The following EYS variants were observed in gnomAD, a reference collection of about 807,000 sequenced individuals.
EYS encodes the protein protein eyes shut homolog.
Under a neutral mutation model 282.1 loss-of-function variants are expected in EYS, and 250 were observed. The ratio of observed to expected loss-of-function variants is 0.89; its 90% CI spans 0.80 to 0.98. The LOEUF (loss-of-function observed/expected upper bound fraction) is 0.98, where lower values mean the gene tolerates loss of function less well. EYS is among the 50% of genes least tolerant of loss of function. The pLI, the probability that EYS is intolerant of heterozygous loss-of-function variation, is 0.00. For missense variants in EYS, 4,016 were observed against 3,709.0 expected, an observed-to-expected ratio of 1.08 and a Z score of -2.15; for synonymous variants, 1,355 against 1,282.9, an observed-to-expected ratio of 1.06 and a Z score of -1.20.
At chr6:64,886,493 C>G (rs1767090317) in intron 19 of EYS, among the ~76,000 whole-genome samples, 1 of 151,934 alleles carries the variant, frequency 6.6e-6, no homozygotes, top group Admixed American at 6.6e-5. Flanking sequence ...AACTTAAAAT[C>G]TAATCTTAGG....
chr6:65,100,963 C>A (rs1343711363), intron 12 of EYS, among the ~76,000 whole-genome samples: 1 of 150,888 alleles, frequency 6.6e-6, no homozygotes, highest in Non-Finnish European at 1.5e-5. Flanking sequence ...AAATGAGATA[C>A]CTTTGGGAAG....
chr6:64,254,366 C>T (rs1264084874), intron 30 of EYS, among the ~76,000 whole-genome samples: 1 of 152,052 alleles, frequency 6.6e-6, no homozygotes, highest in Non-Finnish European at 1.5e-5. Context: ...TCAGTTTGCT[C>T]TTCCAGAGTC....
chr6:63,906,091 C>T (rs896474867), intron 35 of EYS, among the ~76,000 whole-genome samples: 2 of 152,150 alleles, frequency 1.3e-5, no homozygotes, highest in African/African-American at 2.4e-5. Context: ...CACTATGCTG[C>T]GTCAATCTCT....
chr6:64,717,971 G>C (rs1017348279), intron 22 of EYS, among the ~76,000 whole-genome samples: 7 of 152,164 alleles, frequency 4.6e-5, no homozygotes, highest in African/African-American at 1.7e-4. Context: ...AAGAGAGACA[G>C]AGTGTATGTT....
chr6:64,988,357 A>ATATCATGTCAAACAAATGC (rs553980737), intron 14 of EYS, among the ~76,000 whole-genome samples: 15 of 151,700 alleles, frequency 9.9e-5, no homozygotes, highest in African/African-American at 2.4e-4. Context: ...GCATCCGATG[A>ATATCATGTCAAACAAATGC]TATCATGTCA....
intron 29 of EYS, among the ~76,000 whole-genome samples, chr6:64,367,052 A>G (rs895489673): frequency 5.3e-5 from 8 of 152,110 alleles, no homozygotes; most frequent in Non-Finnish European, 1.0e-4. Flanking sequence ...AAAAATAGTT[A>G]CAGAACAATG....
chr6:65,213,475 C>A (rs538143825), intron 12 of EYS, among the ~76,000 whole-genome samples: 1 of 152,316 alleles, frequency 6.6e-6, no homozygotes, highest in South Asian at 2.1e-4. Flanking sequence ...ATTGGCTTTT[C>A]CAACAGCATA....
At chr6:64,503,066 T>C (rs1023620344) in intron 26 of EYS, among the ~76,000 whole-genome samples, 8 of 152,238 alleles carry the variant, frequency 5.3e-5, no homozygotes, top group African/African-American at 1.9e-4. Flanking sequence ...TAGCATGAGC[T>C]TAAAAAATTC....
In EYS at chr6:65,129,911, G is replaced by T. The variant is rs558476070; in HGVS notation, c.2024-72184C>A. 5.9e-5 allele frequency among the ~76,000 whole-genome samples: 9 copies of T among 151,778 alleles called. 1 individual carries two copies. In the South Asian group the frequency reaches 1.2e-3, roughly 21 times the overall value. On this transcript the variant is annotated intron_variant, in intron 12 of 42. Coordinates refer to ENST00000503581, the MANE Select transcript of EYS (RefSeq NM_001142800.2). ...ATTAAAGCCATGAAATTAACCCAGG[G>T]TATATCAACAGTGTACTGGCAAAAG...
At chr6:64,983,129 T>C (rs1013784814) in intron 14 of EYS, among the ~76,000 whole-genome samples, 2 of 151,262 alleles carry the variant, frequency 1.3e-5, no homozygotes, top group Admixed American at 1.3e-4. Context: ...AAAGCGTTCA[T>C]ATTACGCATC....
intron 2 of EYS, among the ~76,000 whole-genome samples, chr6:65,524,215 C>T (rs1020823217): frequency 2.7e-5 from 4 of 150,814 alleles, no homozygotes; most frequent in African/African-American, 9.9e-5. Flanking sequence ...ATCACCCTGG[C>T]CTGCACAGTA....
chr6:65,287,142 A>C (rs1038731687), intron 12 of EYS, among the ~76,000 whole-genome samples: 1 of 151,428 alleles, frequency 6.6e-6, no homozygotes, highest in Non-Finnish European at 1.5e-5. Context: ...AAAATTGAAA[A>C]AAAATAAGAT....
chr6:63,832,439 T>A (rs1275980581), intron 36 of EYS, among the ~76,000 whole-genome samples: 3 of 152,094 alleles, frequency 2.0e-5, no homozygotes, highest in Non-Finnish European at 4.4e-5. Flanking sequence ...TATAAACACC[T>A]CTATGCAAAT....
At chr6:64,760,055 A>G (rs1335307590) in intron 22 of EYS, among the ~76,000 whole-genome samples, 1 of 152,190 alleles carries the variant, frequency 6.6e-6, no homozygotes, top group East Asian at 1.9e-4. Flanking sequence ...TAAAGGTACC[A>G]ATTATGTTTT....
intron 28 of EYS, among the ~76,000 whole-genome samples, chr6:64,423,309 T>A (rs1160515243): frequency 6.6e-6 from 1 of 152,224 alleles, no homozygotes; most frequent in African/African-American, 2.4e-5. Flanking sequence ...TTTGAAACCA[T>A]CAAACCTAGA....
At chr6:65,296,224 A>C (rs1768661748) in intron 11 of EYS, 105 bp from the exon 12 acceptor site, 1 of 1,196,394 alleles carries the variant, frequency 8.4e-7, no homozygotes, top group Admixed American at 3.2e-5. Flanking sequence ...ATAAATATTT[A>C]ATGAAGATAG....
At chr6:64,456,674 T>C (rs1322725843) in intron 26 of EYS, among the ~76,000 whole-genome samples, 2 of 152,046 alleles carry the variant, frequency 1.3e-5, no homozygotes, top group Non-Finnish European at 2.9e-5. Context: ...AGTGGGTTTT[T>C]TTGCAGGCAT....
chr6:65,202,570 G>T (rs923301753), intron 12 of EYS, among the ~76,000 whole-genome samples: 1 of 152,026 alleles, frequency 6.6e-6, no homozygotes, highest in African/African-American at 2.4e-5. Context: ...TGACATCTGC[G>T]GCCTGATCTC....
chr6:65,570,319 A>G (rs1049301114), intron 2 of EYS, among the ~76,000 whole-genome samples: 10 of 152,174 alleles, frequency 6.6e-5, no homozygotes, highest in Admixed American at 2.6e-4. Flanking sequence ...TAAATAGCCT[A>G]TGCAGAAAAC....
Sources: gnomAD v4.1 joint callset for allele counts (sites outside exome capture counted in the v4.1 genomes callset) on GRCh38, gnomAD v4.1.1 for gene constraint, MANE v1.5 for transcripts, NCBI Gene and HGNC (gene_info 2026-07-23, HGNC 2026-07-21) for gene names.